RGS22: variants seen among roughly 807,000 people sequenced by gnomAD.
The protein encoded by RGS22 is regulator of G-protein signaling 22.
RGS22 carries 148 observed loss-of-function variants against 172.9 expected under a neutral mutation model. That is an observed-to-expected ratio of 0.86 (90% CI 0.75 to 0.98). The LOEUF (loss-of-function observed/expected upper bound fraction) is 0.98, where lower values mean the gene tolerates loss of function less well. Ranked by LOEUF, RGS22 falls within the 50% of genes least tolerant of loss-of-function variation. The pLI, the probability that RGS22 is intolerant of heterozygous loss-of-function variation, is 0.00. For synonymous variants in RGS22, 458 were observed against 480.2 expected, an observed-to-expected ratio of 0.95 and a Z score of 0.60; for missense variants, 1,347 against 1,440.8, an observed-to-expected ratio of 0.93 and a Z score of 1.05.
At chr8:100,012,545 G>T (rs973121133) in intron 14 of RGS22, among the ~76,000 whole-genome samples, 1 of 151,848 alleles carries the variant, frequency 6.6e-6, no homozygotes, top group African/African-American at 2.4e-5. Context: ...TGGTGCCACC[G>T]TACTCCAGAC....
intron 14 of RGS22, among the ~76,000 whole-genome samples, chr8:100,017,232 T>C (rs923946178): frequency 2.0e-5 from 3 of 152,098 alleles, no homozygotes; most frequent in African/African-American, 7.2e-5. Context: ...TCTTGGCTTC[T>C]TGGCCTCCCA....
At chr8:100,074,324 T>C (rs1241110392) in intron 4 of RGS22, among the ~76,000 whole-genome samples, 1 of 152,196 alleles carries the variant, frequency 6.6e-6, no homozygotes, top group East Asian at 1.9e-4. Context: ...TTAATACAGT[T>C]CTACAAGTTT....
At chr8:100,062,803 C>G in intron 8 of RGS22, 51 bp from the exon 9 acceptor site, 1 of 1,389,490 alleles carries the variant, frequency 7.2e-7, no homozygotes, top group Non-Finnish European at 1.0e-6. Context: ...GTAGAATATT[C>G]AACTACCAAA....
chr8:99,978,077 T>C lies in RGS22; in HGVS notation c.3361-2A>G. The stretch of plus-strand genomic sequence containing the variant: ...AAACAGAACCCCAAAAATTGTCATC[T>C]GTATAAAAAAAAGTCTAAGATTACA... On this transcript the variant is annotated splice_acceptor_variant, in intron 22 of 27. Coordinates refer to ENST00000360863, the MANE Select transcript of RGS22 (RefSeq NM_015668.5). LOFTEE classifies it high-confidence loss of function. 6.7e-7 allele frequency: 1 copy of C among 1,502,694 alleles called. No homozygotes were observed. Among genetic ancestry groups the C allele is most frequent in the Non-Finnish European group, 8.8e-7 (1 of 1,134,220 alleles). 93.1% of individuals were successfully genotyped at this position (1,502,694 alleles called of 1,614,324 possible).
chr8:100,063,063 T>C (rs1810271214), intron 8 of RGS22, among the ~76,000 whole-genome samples: 1 of 152,182 alleles, frequency 6.6e-6, no homozygotes, highest in Admixed American at 6.5e-5. Context: ...TATTTTATGC[T>C]AGTGTGGTTA....
In RGS22 at chr8:100,043,604, C is replaced by A. The variant is rs145271366; in HGVS notation, c.1824-1688G>T. Among the ~76,000 whole-genome samples the A allele has an allele frequency of 2.7e-3, 404 of 151,978 alleles. 2 individuals are homozygous for A. The highest frequency in any genetic ancestry group is 9.4e-3 in the African/African-American group (391 of 41,430). ...CAGCCTGGTCCACATGGTGAAACCC[C>A]GTCTCTACTAAAAATACAAAAATGA... is the stretch of plus-strand genomic sequence containing the variant. On this transcript the variant is annotated intron_variant, in intron 11 of 27. Transcript: ENST00000360863.
intron 3 of RGS22, among the ~76,000 whole-genome samples, chr8:100,084,254 C>T (rs1812001104): frequency 6.6e-6 from 1 of 152,222 alleles, no homozygotes; most frequent in South Asian, 2.1e-4. Flanking sequence ...AGACTCCCTA[C>T]AGCTACGATT....
At position 100,037,790 on chromosome 8, in the gene RGS22, G is replaced by A. The variant is rs575680733; in HGVS notation, c.2166+1141C>T. 5.9e-5 allele frequency among the ~76,000 whole-genome samples: 9 copies of A among 152,258 alleles called. No homozygotes were observed. The East Asian group carries it at 7.7e-4, about 13-fold the overall frequency. On this transcript the variant is annotated intron_variant, in intron 14 of 27. Coordinates refer to ENST00000360863, the MANE Select transcript of RGS22 (RefSeq NM_015668.5). ...GGGCAAAAGGTTATAGAGAATTACA[G>A]GTAAAGGATTAACAAACAGAATAGT...
In RGS22 at chr8:100,038,927, G is replaced by A. The variant is rs370875427; in HGVS notation, c.2166+4C>T. On this transcript the variant is annotated splice_donor_region_variant and intron_variant, in intron 14 of 27. Transcript: ENST00000360863. ...ACATTGAACCAATATTATTTACTAC[G>A]TACTTGCGCTTGCTTGCATACTTTA... The A allele has an allele frequency of 2.9e-5, 46 of 1,587,944 alleles. No homozygotes were observed. The highest frequency in any genetic ancestry group is 3.3e-4 in the Middle Eastern group (2 of 6,028).
At chr8:99,992,831 TCA>T (rs1002102840) in intron 20 of RGS22, among the ~76,000 whole-genome samples, 1 of 152,104 alleles carries the variant, frequency 6.6e-6, no homozygotes, top group African/African-American at 2.4e-5. Flanking sequence ...CAGCACCACA[TCA>T]CATTTATTCT....
intron 20 of RGS22, among the ~76,000 whole-genome samples, chr8:99,992,265 A>G (rs1375414458): frequency 6.6e-6 from 1 of 152,234 alleles, no homozygotes; most frequent in African/African-American, 2.4e-5. Context: ...CATATCTAAC[A>G]ATATTAACCT....
intron 19 of RGS22, among the ~76,000 whole-genome samples, chr8:99,998,998 A>C (rs182874212): frequency 7.9e-5 from 12 of 152,166 alleles, no homozygotes; most frequent in African/African-American, 2.6e-4. Context: ...TCTTCAAAAA[A>C]ATTTTTTTCA....
intron 9 of RGS22, among the ~76,000 whole-genome samples, chr8:100,059,065 T>C (rs1809885911): frequency 6.6e-6 from 1 of 152,112 alleles, no homozygotes; most frequent in Non-Finnish European, 1.5e-5. Flanking sequence ...AGTGTTAAGT[T>C]CTCATCAGGT....
intron 10 of RGS22, among the ~76,000 whole-genome samples, chr8:100,051,448 ATAT>A (rs199753651): frequency 0.18 from 18,610 of 103,780 alleles, 1,972 homozygotes; most frequent in African/African-American, 0.26. Context: ...ATATTTATTT[ATAT>A]TATATTATAT....
intron 6 of RGS22, among the ~76,000 whole-genome samples, chr8:100,069,920 C>G (rs1264127965): frequency 6.7e-6 from 1 of 148,652 alleles, no homozygotes; most frequent in African/African-American, 2.5e-5. Context: ...CCCAGCTACT[C>G]GGAAGGCTGA....
intron 24 of RGS22, 60 bp from the exon 25 acceptor site, chr8:99,963,038 G>C: frequency 2.2e-6 from 3 of 1,344,698 alleles, no homozygotes; most frequent in South Asian, 1.5e-5. Flanking sequence ...ATAAACTGAA[G>C]ATAAGATGTC....
At chr8:100,042,036 A>C in intron 11 of RGS22, 120 bp from the exon 12 acceptor site, 1 of 584,796 alleles carries the variant, frequency 1.7e-6, no homozygotes, top group South Asian at 2.0e-5. Context: ...GAGCAATGTG[A>C]CTCAGGAAAA....
chr8:100,006,167 G>A, intron 15 of RGS22, 58 bp from the exon 16 acceptor site: 2 of 1,376,956 alleles, frequency 1.5e-6, no homozygotes, highest in Admixed American at 3.9e-5. Flanking sequence ...GCTAGTAACA[G>A]TGGGCTGAAA....
chr8:100,092,500 A>T (rs1812658447), intron 3 of RGS22, among the ~76,000 whole-genome samples: 1 of 152,188 alleles, frequency 6.6e-6, no homozygotes, highest in Non-Finnish European at 1.5e-5. Flanking sequence ...TGTTATCTTG[A>T]GAGTGGGTTG....
Sources: allele counts gnomAD v4.1 joint callset (sites outside exome capture counted in the v4.1 genomes callset), GRCh38; gene constraint gnomAD v4.1.1; transcripts MANE v1.5; gene names NCBI Gene and HGNC (gene_info 2026-07-23, HGNC 2026-07-21).